Variants in KDM4B observed in about 807,000 individuals in gnomAD.
KDM4B encodes the protein lysine demethylase 4B, also known as lysine-specific demethylase 4B.
A neutral mutation model predicts 125.2 loss-of-function variants in KDM4B; 32 were observed. The ratio of observed to expected loss-of-function variants is 0.26; its 90% CI spans 0.19 to 0.34. KDM4B has a LOEUF of 0.34. KDM4B is among the 10% of genes least tolerant of loss of function. KDM4B has a pLI of 1.00. For missense variants in KDM4B, 1,190 were observed against 1,577.7 expected (o/e 0.75, Z 4.16); for synonymous variants, 721 against 677.9 (o/e 1.06, Z -0.99).
chr19:4,975,872 C>T (rs569442360), intron 1 of KDM4B, among the ~76,000 whole-genome samples: 5 of 150,184 alleles, frequency 3.3e-5, no homozygotes, highest in Admixed American at 6.6e-5. Context: ...GGATTACAGG[C>T]GTGACCCACC....
At chr19:5,107,780 T>C (rs2039063580) in intron 9 of KDM4B, among the ~76,000 whole-genome samples, 1 of 152,188 alleles carries the variant, frequency 6.6e-6, no homozygotes, top group Non-Finnish European at 1.5e-5. Context: ...AGCGGGTTTC[T>C]CTCCCACACT....
chr19:5,104,387 A>G (rs1325691471), intron 9 of KDM4B, among the ~76,000 whole-genome samples: 1 of 152,208 alleles, frequency 6.6e-6, no homozygotes, highest in Non-Finnish European at 1.5e-5. Flanking sequence ...TAGTTCAGAC[A>G]TGGGAGACGT....
At chr19:5,132,884 G>A (rs1004591267) in intron 13 of KDM4B, among the ~76,000 whole-genome samples, 2 of 152,214 alleles carry the variant, frequency 1.3e-5, no homozygotes, top group Non-Finnish European at 2.9e-5. Flanking sequence ...GGCCTTCCCT[G>A]GGCTCCGCTG....
At chr19:5,000,419 G>A (rs987244054) in intron 1 of KDM4B, among the ~76,000 whole-genome samples, 3 of 149,566 alleles carry the variant, frequency 2.0e-5, no homozygotes, top group Non-Finnish European at 3.0e-5. Flanking sequence ...CCATCCATCC[G>A]TACATCCATT....
intron 1 of KDM4B, among the ~76,000 whole-genome samples, chr19:4,973,594 G>T (rs989789218): frequency 6.6e-6 from 1 of 152,116 alleles, no homozygotes; most frequent in Non-Finnish European, 1.5e-5. Flanking sequence ...GTGGATTGAC[G>T]AATTGATGTT....
At chr19:5,025,745 G>A (rs1386015309) in intron 2 of KDM4B, among the ~76,000 whole-genome samples, 4 of 152,146 alleles carry the variant, frequency 2.6e-5, no homozygotes, top group Non-Finnish European at 5.9e-5. Flanking sequence ...CTCCTGCCCT[G>A]GACCGCCCAG....
Position 5,040,027 on chromosome 19 carries a change from A to C in KDM4B, c.317+16A>C. ...ACAGCGAGAAGTACGCGGGGCGGGC[A>C]GGGCGGACCTGACCCCCGCCCCCGG... On this transcript the variant is annotated intron_variant, in intron 4 of 22. Coordinates refer to ENST00000159111, the MANE Select transcript of KDM4B (RefSeq NM_015015.3). The C allele has an allele frequency of 6.3e-7, 1 of 1,597,958 alleles. No homozygotes were observed. Among genetic ancestry groups the C allele is most frequent in the South Asian group, 1.1e-5 (1 of 90,426 alleles).
At position 5,141,904 on chromosome 19, in the gene KDM4B, C is replaced by T. The variant is rs965986756; in HGVS notation, c.2551-2063C>T. ...GGGCAGCAGGAGGGGTGGGCAGTTG[C>T]ACCAGCTCTCTCCACTGCCCACAGT... On this transcript the variant is annotated intron_variant, in intron 18 of 22. Transcript: ENST00000159111. This position sits in a 1 kb window ranked among gnomAD's most constrained non-coding sequence, Gnocchi z 6.4. 6.6e-6 allele frequency among the ~76,000 whole-genome samples: 1 copy of T among 152,200 alleles called. No individual in the cohort carries two copies. Among genetic ancestry groups the T allele is most frequent in the Admixed American group, 6.5e-5 (1 of 15,292 alleles).
intron 9 of KDM4B, among the ~76,000 whole-genome samples, chr19:5,087,541 TC>T (rs2038544981): frequency 6.6e-6 from 1 of 152,184 alleles, no homozygotes; most frequent in Non-Finnish European, 1.5e-5. Context: ...CAGGGCCACT[TC>T]CGAGGTCAGT....
intron 21 of KDM4B, among the ~76,000 whole-genome samples, chr19:5,149,572 T>C (rs994895177): frequency 1.5e-4 from 23 of 152,164 alleles, no homozygotes; most frequent in Admixed American, 1.5e-3. Flanking sequence ...CCAGCACCTT[T>C]CCTGGCTTGG....
intron 9 of KDM4B, among the ~76,000 whole-genome samples, chr19:5,107,731 G>A (rs1274046609): frequency 6.6e-6 from 1 of 152,226 alleles, no homozygotes. Flanking sequence ...TTCAGCAGGA[G>A]GCTGCTGCTA....
At position 5,144,020 on chromosome 19, in the gene KDM4B, G is replaced by A. The variant is rs781364318; in HGVS notation, c.2604G>A (p.Gln868=). The stretch of plus-strand genomic sequence containing the variant: ...AGAAGGTGTCAGGTGCCTGTATCCA[G>A]TGCTCCTACGAGCACTGCTCCACGT... ...RMKKVSGACI[Q]CSYEHCSTSF... is the part of the protein sequence containing the mutation. Residue 868 remains glutamine (Q), a synonymous_variant, in exon 19 of 23, where the codon CAG becomes CAA. Transcript: ENST00000159111. 5.6e-6 allele frequency: 9 copies of A among 1,595,632 alleles called. No homozygotes were observed. The South Asian group carries it at 8.8e-5, about 16-fold the overall frequency.
At chr19:5,143,446 G>T (rs1457490554) in intron 18 of KDM4B, among the ~76,000 whole-genome samples, 1 of 152,116 alleles carries the variant, frequency 6.6e-6, no homozygotes, top group African/African-American at 2.4e-5. Context: ...ACCCCATGAA[G>T]AATGGGCCCC....
intron 9 of KDM4B, among the ~76,000 whole-genome samples, chr19:5,102,013 C>T (rs1002503388): frequency 1.3e-5 from 2 of 152,180 alleles, no homozygotes; most frequent in East Asian, 1.9e-4. Flanking sequence ...GCCAGGGTGC[C>T]AGGAGGGGTC....
At chr19:5,096,947 G>C (rs2038839289) in intron 9 of KDM4B, among the ~76,000 whole-genome samples, 1 of 152,228 alleles carries the variant, frequency 6.6e-6, no homozygotes, top group Non-Finnish European at 1.5e-5. Flanking sequence ...TCCCATGCTA[G>C]GGAAGGGCTT....
intron 1 of KDM4B, among the ~76,000 whole-genome samples, chr19:5,007,263 G>A (rs2035589507): frequency 6.6e-6 from 1 of 152,198 alleles, no homozygotes; most frequent in Non-Finnish European, 1.5e-5. Context: ...GAAGCCCACT[G>A]GCTCCTCTGT....
At position 5,071,050 on chromosome 19, in the gene KDM4B, C is replaced by T. The variant is rs773279791; in HGVS notation, c.667C>T (p.Leu223=). The T allele has an allele frequency of 3.1e-6, 5 of 1,613,168 alleles. No homozygotes were observed. The highest frequency in any genetic ancestry group is 1.3e-5 in the African/African-American group (1 of 74,944). ...PPEHGKRLER[L]AIGFFPGSSQ... is the part of the protein sequence containing the mutation. ...AGAGCACGGCAAGCGCCTGGAGCGG[C>T]TGGCCATCGGTAGGTGCCTGCCCTG... The change falls in exon 7 of 23, where the codon CTG becomes TTG. Residue 223 remains leucine (L), a synonymous_variant. Coordinates refer to ENST00000159111, the MANE Select transcript of KDM4B (RefSeq NM_015015.3).
At chr19:5,059,131 G>C (rs34131317) in intron 6 of KDM4B, among the ~76,000 whole-genome samples, 4 of 152,232 alleles carry the variant, frequency 2.6e-5, no homozygotes, top group African/African-American at 9.6e-5. Context: ...TCTGAGCTCA[G>C]GGCCTGGTTT....
In KDM4B at chr19:5,039,818, C is replaced by T. The variant is rs768416962; in HGVS notation, c.142-18C>T. The T allele has an allele frequency of 3.3e-5, 53 of 1,609,298 alleles. 1 individual carries two copies. The highest frequency in any genetic ancestry group is 8.9e-5 in the East Asian group (4 of 44,828). On this transcript the variant is annotated intron_variant, in intron 3 of 22. Transcript: ENST00000159111. ...TGAGGGTCTGAGGGTGCCACTGACT[C>T]CCATCTTGGTCTTGCAGATCATCCC... is the stretch of plus-strand genomic sequence containing the variant.
Sources: allele counts gnomAD v4.1 joint callset (sites outside exome capture counted in the v4.1 genomes callset), GRCh38; gene constraint gnomAD v4.1.1; non-coding constraint Gnocchi (gnomAD v3.1); transcripts MANE v1.5; gene names NCBI Gene and HGNC (gene_info 2026-07-23, HGNC 2026-07-21).